CPEB1: variants seen among roughly 807,000 people sequenced by gnomAD.
The protein encoded by CPEB1 is cytoplasmic polyadenylation element-binding protein 1.
In CPEB1, 7 loss-of-function variants were observed where a neutral mutation model predicts 65.8. That is an observed-to-expected ratio of 0.11 (90% CI 0.06 to 0.20). The LOEUF (loss-of-function observed/expected upper bound fraction) is 0.20. Ranked by LOEUF, CPEB1 falls within the 10% of genes least tolerant of loss-of-function variation. The pLI is 1.00. For synonymous variants in CPEB1, 262 were observed against 260.0 expected, an observed-to-expected ratio of 1.01 and a Z score of -0.08; for missense variants, 551 against 712.2, an observed-to-expected ratio of 0.77 and a Z score of 2.58.
chr15:82,546,540 A>T lies in CPEB1; in HGVS notation c.1576-19T>A, dbSNP rs1306963889. 3.1e-6 allele frequency: 5 copies of T among 1,596,954 alleles called. No individual in the cohort carries two copies. The South Asian group carries it at 5.5e-5, about 18-fold the overall frequency. On this transcript the variant is annotated intron_variant, in intron 11 of 12. Coordinates refer to ENST00000684509, the MANE Select transcript of CPEB1 (RefSeq NM_001365242.1). ...TCTGAACCTGCACAAAGGCAAAATA[A>T]GATGATGAAGTGGCTCTTCTTACCA...
chr15:82,548,919 G>C (rs573704280), intron 10 of CPEB1: 20 of 301,950 alleles, frequency 6.6e-5, no homozygotes, highest in Non-Finnish European at 1.1e-4. Flanking sequence ...CAGGACTGGC[G>C]AATTGACCTC....
In CPEB1 at chr15:82,558,003, G is replaced by A; in HGVS notation, c.461-17C>T. 6.5e-7 allele frequency: 1 copy of A among 1,531,350 alleles called. No individual in the cohort carries two copies. The highest frequency in any genetic ancestry group is 2.3e-5 in the East Asian group (1 of 43,722). 94.9% of individuals were successfully genotyped at this position (1,531,350 alleles called of 1,614,324 possible). On this transcript the variant is annotated splice_polypyrimidine_tract_variant and intron_variant, in intron 4 of 12. Transcript: ENST00000684509. The stretch of plus-strand genomic sequence containing the variant: ...TGCTCAGTACTAGGAGGACAAAAAA[G>A]GAAACCTCATGACCTCTTAGTTTTC...
At chr15:82,598,348 C>G (rs745992916) in intron 3 of CPEB1, among the ~76,000 whole-genome samples, 9 of 151,364 alleles carry the variant, frequency 5.9e-5, no homozygotes, top group Non-Finnish European at 1.3e-4. Context: ...ACAAAAATTA[C>G]CCGGGCATGG....
chr15:82,577,203 T>C (rs1257486599), intron 3 of CPEB1, among the ~76,000 whole-genome samples: 5 of 152,296 alleles, frequency 3.3e-5, no homozygotes, highest in Admixed American at 2.6e-4. Flanking sequence ...GCTGAGGCTA[T>C]AGGCACACCA....
chr15:82,571,665 A>G, intron 3 of CPEB1, 133 bp from the exon 4 acceptor site: 1 of 1,449,720 alleles, frequency 6.9e-7, no homozygotes, highest in East Asian at 2.5e-5. Flanking sequence ...TGGATGCTGC[A>G]GCCGCTGCCT....
Position 82,626,220 on chromosome 15 carries a change from G to A in CPEB1, c.271+973C>T, listed in dbSNP as rs932954221. ...GGAGGCCAAGGCACGCAGATCACAA[G>A]GTCAGGACATCGAGACCATCCTGGC... is the stretch of plus-strand genomic sequence containing the variant. On this transcript the variant is annotated intron_variant, in intron 3 of 12. Coordinates refer to ENST00000684509, the MANE Select transcript of CPEB1 (RefSeq NM_001365242.1). Among the ~76,000 whole-genome samples, 10 of 151,196 alleles carry A rather than the reference G, an allele frequency of 6.6e-5. 1 individual carries two copies. The highest frequency in any genetic ancestry group is 4.6e-4 in the Admixed American group (7 of 15,164).
At chr15:82,554,868 T>C (rs556869231) in intron 6 of CPEB1, among the ~76,000 whole-genome samples, 1 of 152,284 alleles carries the variant, frequency 6.6e-6, no homozygotes, top group African/African-American at 2.4e-5. Flanking sequence ...AAACAGAATA[T>C]AATGGTCTCA....
At chr15:82,645,329 T>A (rs930937359) in intron 1 of CPEB1, among the ~76,000 whole-genome samples, 9 of 152,048 alleles carry the variant, frequency 5.9e-5, no homozygotes, top group African/African-American at 2.2e-4. Flanking sequence ...ATTTTTGTAT[T>A]TTTAGGAGAG....
At chr15:82,606,817 CAAAA>C (rs56078202) in intron 3 of CPEB1, among the ~76,000 whole-genome samples, 1 of 82,944 alleles carries the variant, frequency 1.2e-5, no homozygotes. Flanking sequence ...GACTCCGTCT[CAAAA>C]AAAAAAAAAA....
chr15:82,615,349 T>G (rs1208709968), intron 3 of CPEB1, among the ~76,000 whole-genome samples: 1 of 152,192 alleles, frequency 6.6e-6, no homozygotes, highest in East Asian at 1.9e-4. Context: ...GGCAGGACAG[T>G]GTTATAAAGT....
At chr15:82,620,997 C>A (rs984854671) in intron 3 of CPEB1, among the ~76,000 whole-genome samples, 1 of 152,180 alleles carries the variant, frequency 6.6e-6, no homozygotes, top group Non-Finnish European at 1.5e-5. Flanking sequence ...CAAGTTAAAT[C>A]GTTGCCACTT....
chr15:82,648,391 C>T (rs1008934101), upstream of CPEB1: 2 of 152,576 alleles, frequency 1.3e-5, no homozygotes, highest in African/African-American at 4.8e-5. Flanking sequence ...CCTGCCCTGG[C>T]ATCCTTGGTC....
intron 1 of CPEB1, among the ~76,000 whole-genome samples, chr15:82,632,042 T>C (rs1470224593): frequency 6.9e-6 from 1 of 144,040 alleles, no homozygotes; most frequent in Non-Finnish European, 1.5e-5. Context: ...AGTGCAATGG[T>C]GTGATCTCGG....
chr15:82,617,263 C>CAGT (rs1325418639), intron 3 of CPEB1, among the ~76,000 whole-genome samples: 1 of 152,198 alleles, frequency 6.6e-6, no homozygotes. Flanking sequence ...TACTGCTGAG[C>CAGT]AGTACTCCTT....
At chr15:82,586,087 G>C (rs2041776417) in intron 3 of CPEB1, among the ~76,000 whole-genome samples, 2 of 152,174 alleles carry the variant, frequency 1.3e-5, no homozygotes, top group Admixed American at 1.3e-4. Context: ...GAAGGAAACA[G>C]ACATCAGGAT....
intron 1 of CPEB1, among the ~76,000 whole-genome samples, chr15:82,641,105 AATTCTCCT>A (rs56759290): frequency 0.016 from 2,364 of 152,216 alleles, 60 homozygotes; most frequent in African/African-American, 0.055. Context: ...TTCTAAACTT[AATTCTCCT>A]AGTCCATGAA....
chr15:82,580,540 C>T (rs1216075997), intron 3 of CPEB1, among the ~76,000 whole-genome samples: 2 of 152,004 alleles, frequency 1.3e-5, no homozygotes, highest in Non-Finnish European at 2.9e-5. Flanking sequence ...ATGAAATTTA[C>T]CACTCTAACC....
chr15:82,623,436 G>C (rs1337131725), intron 3 of CPEB1, among the ~76,000 whole-genome samples: 1 of 152,230 alleles, frequency 6.6e-6, no homozygotes, highest in African/African-American at 2.4e-5. Context: ...CCAGCAGTTT[G>C]GGAGGCCAAG....
At position 82,564,523 on chromosome 15, in the gene CPEB1, G is replaced by C. The variant is rs373971098; in HGVS notation, c.461-6537C>G. Among the ~76,000 whole-genome samples, 4 of 152,262 alleles carry C rather than the reference G, an allele frequency of 2.6e-5. No homozygotes were observed. In the South Asian group the frequency reaches 8.3e-4, roughly 32 times the overall value. ...TTAGCCAGGATGGTCTTGATCTCCT[G>C]ACCTTGTGATCCACCCGCCTCAGCC... On this transcript the variant is annotated intron_variant, in intron 4 of 12. Transcript: ENST00000684509.
Sources: gnomAD v4.1 joint callset for allele counts (sites outside exome capture counted in the v4.1 genomes callset) on GRCh38, gnomAD v4.1.1 for gene constraint, MANE v1.5 for transcripts, NCBI Gene and HGNC (gene_info 2026-07-23, HGNC 2026-07-21) for gene names.